The following HEMK2 variants were observed in gnomAD, a reference collection of about 807,000 sequenced individuals.
The protein encoded by HEMK2 is HemK methyltransferase 2, ETF1 glutamine and histone H4 lysine, also known as methyltransferase HEMK2.
chr21:28,682,191 A>G, the HEMK2 span, among the ~76,000 whole-genome samples: 1 of 152,088 alleles, frequency 6.6e-6, no homozygotes, highest in Non-Finnish European at 1.5e-5. Context: ...CAATGAACTC[A>G]AACAAATTTA....
At chr21:28,753,558 G>C in the HEMK2 span, among the ~76,000 whole-genome samples, 1 of 152,024 alleles carries the variant, frequency 6.6e-6, no homozygotes, top group Non-Finnish European at 1.5e-5. Flanking sequence ...AAGAAAGGAT[G>C]CCCCTAAAGA....
At chr21:28,626,445 C>T in the HEMK2 span, 5 of 151,942 alleles carry the variant, frequency 3.3e-5, no homozygotes, top group Admixed American at 6.6e-5. Flanking sequence ...ATATGGCAAG[C>T]ACAGATTGGG....
At chr21:28,788,109 C>T in the HEMK2 span, among the ~76,000 whole-genome samples, 2 of 145,848 alleles carry the variant, frequency 1.4e-5, no homozygotes, top group South Asian at 2.1e-4. Context: ...ACATAGTATT[C>T]CATCATATAT....
the HEMK2 span, among the ~76,000 whole-genome samples, chr21:28,684,481 ATTCAAT>A: frequency 7.9e-5 from 12 of 152,220 alleles, no homozygotes; most frequent in Non-Finnish European, 2.9e-5. Context: ...CGGTTTGGGA[ATTCAAT>A]TGAAATCCAT....
chr21:28,635,315 G>A, the HEMK2 span, among the ~76,000 whole-genome samples: 1 of 152,110 alleles, frequency 6.6e-6, no homozygotes, highest in South Asian at 2.1e-4. Context: ...TGTTGGCCAG[G>A]CTGGTCTCCA....
chr21:28,614,198 A>G, the HEMK2 span, among the ~76,000 whole-genome samples: 1 of 152,226 alleles, frequency 6.6e-6, no homozygotes, highest in South Asian at 2.1e-4. Context: ...AGAAAAGATG[A>G]ATTACATATA....
chr21:28,879,763 T>C, the HEMK2 span: 1 of 765,492 alleles, frequency 1.3e-6, no homozygotes, highest in Non-Finnish European at 2.0e-6. Context: ...AAAATCAGAG[T>C]AGTCTGTGAT....
chr21:28,585,109 A>G, the HEMK2 span, among the ~76,000 whole-genome samples: 2 of 152,242 alleles, frequency 1.3e-5, no homozygotes, highest in Admixed American at 6.5e-5. Context: ...AGGCAGGTGG[A>G]TCACCTGAGG....
chr21:28,814,363 A>G, the HEMK2 span, among the ~76,000 whole-genome samples: 2 of 151,922 alleles, frequency 1.3e-5, no homozygotes, highest in South Asian at 4.2e-4. Flanking sequence ...AATGGCAACA[A>G]AAGACAAAAT....
the HEMK2 span, among the ~76,000 whole-genome samples, chr21:28,583,066 A>G: frequency 6.6e-6 from 1 of 152,220 alleles, no homozygotes; most frequent in African/African-American, 2.4e-5. Flanking sequence ...TATCAATGAG[A>G]CTGAGTCAAA....
the HEMK2 span, among the ~76,000 whole-genome samples, chr21:28,686,262 T>C: frequency 6.6e-6 from 1 of 152,282 alleles, no homozygotes; most frequent in African/African-American, 2.4e-5. Flanking sequence ...GAGATGGCGT[T>C]GTGCTCTTGT....
chr21:28,700,585 G>C, the HEMK2 span, among the ~76,000 whole-genome samples: 1 of 152,112 alleles, frequency 6.6e-6, no homozygotes, highest in African/African-American at 2.4e-5. Flanking sequence ...AACCTTCCAA[G>C]ATTAAACCAG....
the HEMK2 span, among the ~76,000 whole-genome samples, chr21:28,578,752 T>C: frequency 4.6e-5 from 7 of 152,120 alleles, no homozygotes; most frequent in African/African-American, 1.7e-4. Flanking sequence ...GGGAGGAAAG[T>C]GAGGAGGGAA....
the HEMK2 span, among the ~76,000 whole-genome samples, chr21:28,656,381 A>T: frequency 1.3e-5 from 2 of 152,172 alleles, no homozygotes; most frequent in African/African-American, 4.8e-5. Context: ...CAGTCCCAGG[A>T]TAACAGCTTC....
At chr21:28,703,842 G>A in the HEMK2 span, among the ~76,000 whole-genome samples, 1 of 152,168 alleles carries the variant, frequency 6.6e-6, no homozygotes, top group Non-Finnish European at 1.5e-5. Flanking sequence ...AAAAATTACA[G>A]TGTAGTAACA....
chr21:28,738,895 G>A, the HEMK2 span, among the ~76,000 whole-genome samples: 79 of 152,338 alleles, frequency 5.2e-4, 1 homozygote, highest in Middle Eastern at 6.8e-3. Flanking sequence ...GTTGGTGTCC[G>A]TGGGCAGCTT....
the HEMK2 span, among the ~76,000 whole-genome samples, chr21:28,658,892 G>A: frequency 4.6e-5 from 7 of 151,934 alleles, no homozygotes; most frequent in Admixed American, 1.3e-4. Context: ...TTTTACCTGC[G>A]TCTGATCTCG....
chr21:28,739,860 T>G, the HEMK2 span, among the ~76,000 whole-genome samples: 1 of 152,092 alleles, frequency 6.6e-6, no homozygotes, highest in Non-Finnish European at 1.5e-5. Context: ...ACAGTGAAAA[T>G]ACACACCCAA....
the HEMK2 span, among the ~76,000 whole-genome samples, chr21:28,696,134 T>C: frequency 6.6e-6 from 1 of 152,164 alleles, no homozygotes; most frequent in South Asian, 2.1e-4. Flanking sequence ...CATCAGATCT[T>C]ATAAGACTTA....
Sources: gnomAD v4.1 joint callset for allele counts (sites outside exome capture counted in the v4.1 genomes callset) on GRCh38, gnomAD v4.1.1 for gene constraint, MANE v1.5 for transcripts, NCBI Gene and HGNC (gene_info 2026-07-23, HGNC 2026-07-21) for gene names.